Variants in NRAP observed in about 807,000 individuals in gnomAD.
The protein encoded by NRAP is nebulin related anchoring protein, also known as nebulin-related-anchoring protein.
NRAP carries 189 observed loss-of-function variants against 225.9 expected under a neutral mutation model. The observed-to-expected ratio is 0.84, with a 90% CI of 0.74 to 0.94. NRAP has a LOEUF of 0.94. NRAP is among the 40% of genes least tolerant of loss of function. NRAP has a pLI of 0.00. For synonymous variants in NRAP, 769 were observed against 790.7 expected (o/e 0.97, Z 0.46); for missense variants, 2,176 against 2,168.7 (o/e 1.00, Z -0.07).
In NRAP at chr10:113,651,865, AG is replaced by A; in HGVS notation, c.612del (p.Ser205ProfsTer22). ...AGCTCAGGAGTATCCACCACCGTGG[AG>A]AACCTGGAGATGCGTTCATCATGCC... ...KRGHDERISR[F>X]STVVDTPELL... On this transcript the variant is annotated frameshift_variant, in exon 7 of 42. Transcript: ENST00000359988. LOFTEE classifies it high-confidence loss of function. 1 of 1,613,422 alleles carries A rather than the reference AG, an allele frequency of 6.2e-7. No individual in the cohort carries two copies. The highest frequency in any genetic ancestry group is 8.5e-7 in the Non-Finnish European group (1 of 1,179,420).
At chr10:113,619,901 C>T (rs550492488) in intron 25 of NRAP, among the ~76,000 whole-genome samples, 29 of 152,244 alleles carry the variant, frequency 1.9e-4, no homozygotes, top group Middle Eastern at 6.8e-3. Flanking sequence ...GGCAATGTCT[C>T]GATCCATTTT....
chr10:113,641,314 T>A (rs752291930), intron 13 of NRAP, 51 bp downstream of exon 13: 64 of 1,095,932 alleles, frequency 5.8e-5, no homozygotes, highest in Middle Eastern at 4.0e-4. Flanking sequence ...GCTGAATTCT[T>A]CATGCCCTGC....
In NRAP at chr10:113,590,884, C is replaced by T. The variant is rs963267787; in HGVS notation, c.4650G>A (p.Arg1550=). The T allele has an allele frequency of 1.7e-5, 28 of 1,613,162 alleles. No individual in the cohort carries two copies. Among genetic ancestry groups the T allele is most frequent in the Middle Eastern group, 1.6e-4 (1 of 6,082 alleles). ...GGTCCCGCAGGAAAGCCTCTTTGTA[C>T]CGGAACTGCAAGTCAGAGGAGCAGA... is the stretch of plus-strand genomic sequence containing the variant. The part of the protein sequence containing the change: ...RASREIASDF[R]YKEAFLRDRG... The change falls in exon 40 of 42, where the codon CGG becomes CGA. Residue 1550 remains arginine, a synonymous_variant. Transcript: ENST00000359988.
chr10:113,605,247 A>T (rs938047404), intron 34 of NRAP, among the ~76,000 whole-genome samples: 1 of 152,220 alleles, frequency 6.6e-6, no homozygotes, highest in Non-Finnish European at 1.5e-5. Flanking sequence ...CCCAAAAGAC[A>T]GGATCCATTT....
rs372864956 is a variant in NRAP, at chr10:113,590,726, C to T, written c.4808G>A (p.Ser1603Asn). ...CTGAAGGAGGCCGGGCTGGTCTGTG[C>T]TGCTGTGAAACTGGGACCGACTCTT... ...FAKSRSQFHS[S>N]TDQPGLLQAK... The change falls in exon 40 of 42, where the codon AGC (serine) becomes AAC (asparagine). Residue 1603 changes from serine to asparagine, a missense_variant. This residue lies in a region of NRAP where 445 missense variants were observed against 426.1 expected (regional missense o/e 1.04). Transcript: ENST00000359988. 11 of 1,614,082 alleles carry T rather than the reference C, an allele frequency of 6.8e-6. No homozygotes were observed. The highest frequency in any genetic ancestry group is 3.3e-5 in the Admixed American group (2 of 60,008).
intron 38 of NRAP, among the ~76,000 whole-genome samples, chr10:113,594,398 G>A (rs1466341271): frequency 2.0e-5 from 3 of 152,206 alleles, no homozygotes; most frequent in Non-Finnish European, 4.4e-5. Flanking sequence ...TTGTGAGAGG[G>A]AAGATGCTTC....
chr10:113,626,760 C>T (rs78579507), intron 20 of NRAP, among the ~76,000 whole-genome samples: 3,179 of 152,254 alleles, frequency 0.021, 127 homozygotes, highest in African/African-American at 0.073. Context: ...CAGAAGCCTG[C>T]GGTCAGGTGA....
chr10:113,616,483 T>C (rs1847671666), intron 26 of NRAP, among the ~76,000 whole-genome samples: 1 of 152,212 alleles, frequency 6.6e-6, no homozygotes, highest in Non-Finnish European at 1.5e-5. Context: ...ACAGGTATTG[T>C]TTTTCTTCAT....
chr10:113,658,704 A>T (rs58531320), intron 3 of NRAP, among the ~76,000 whole-genome samples: 25,165 of 151,654 alleles, frequency 0.17, 2,255 homozygotes, highest in African/African-American at 0.24. Flanking sequence ...AACACAGTGA[A>T]ATCCCATCTC....
rs2134053642 is a variant in NRAP, at chr10:113,634,217, A to G, written c.1429-7T>C. 6.3e-7 allele frequency: 1 copy of G among 1,575,142 alleles called. No individual in the cohort carries two copies. The highest frequency in any genetic ancestry group is 1.1e-5 in the South Asian group (1 of 90,230). On this transcript the variant is annotated splice_polypyrimidine_tract_variant and splice_region_variant and intron_variant, in intron 14 of 41. Transcript: ENST00000359988. ...TGCTCTGCCTATAATTGGCCTAGGT[A>G]AAAACAGGCACAAAAAGATGTCATT...
chr10:113,594,836 G>A lies in NRAP; in HGVS notation c.4536+787C>T, dbSNP rs901257025. ...AACGGTAGCAGCTGTTGATCTGCAC[G>A]GAGCCCCAGGACACAATGGCCAGGC... On this transcript the variant is annotated intron_variant, in intron 38 of 41. Transcript: ENST00000359988. Among the ~76,000 whole-genome samples the A allele has an allele frequency of 7.9e-5, 12 of 152,214 alleles. No individual in the cohort carries two copies. In the East Asian group the frequency reaches 1.2e-3, roughly 15 times the overall value.
chr10:113,622,016 G>T lies in NRAP; in HGVS notation c.2622C>A (p.Ser874=). Residue 874 remains serine (S), a synonymous_variant, in exon 24 of 42, where the codon TCC becomes TCA. Transcript: ENST00000359988. ...FEDTKSQCHV[S]LDMVHLVHAR... is the part of the protein sequence containing the mutation. ...CATGCACGAGGTGGACCATGTCCAG[G>T]GAGACGTGGCATTGGGATTTGGTGT... The T allele has an allele frequency of 2.5e-6, 4 of 1,614,202 alleles. No individual in the cohort carries two copies. Among genetic ancestry groups the T allele is most frequent in the Non-Finnish European group, 3.4e-6 (4 of 1,180,020 alleles).
chr10:113,595,545 A>T (rs934083568), intron 38 of NRAP, 78 bp downstream of exon 38: 184 of 900,502 alleles, frequency 2.0e-4, no homozygotes, highest in Non-Finnish European at 2.8e-4. Context: ...TTTTTTTTTT[A>T]AAAAAACGAA....
Position 113,622,103 on chromosome 10 carries a change from C to A in NRAP, c.2535G>T (p.Met845Ile). The change falls in exon 24 of 42, where the codon ATG becomes ATT. Residue 845 changes from methionine to isoleucine, a missense_variant. Physicochemically the swap from Met to Ile is conservative, Grantham distance 10. Around this residue, in one of 3 missense-constraint regions of NRAP, gnomAD observed 1,708 missense variants for 1,695.5 expected, o/e 1.01. Transcript: ENST00000359988. ...GCTTGGACATTTGCAGTGAGTGGCT[C>A]ATTTGCGAATCTCCCTGTACATCTT... ...GAKDVQGDSQMSHSLQMSKLQ... is the reference protein window; with the variant it reads ...GAKDVQGDSQISHSLQMSKLQ... The A allele has an allele frequency of 6.2e-7, 1 of 1,614,098 alleles. No homozygotes were observed. The highest frequency in any genetic ancestry group is 8.5e-7 in the Non-Finnish European group (1 of 1,179,920).
At chr10:113,596,465 C>G (rs1293373270) in intron 37 of NRAP, among the ~76,000 whole-genome samples, 1 of 152,208 alleles carries the variant, frequency 6.6e-6, no homozygotes, top group African/African-American at 2.4e-5. Context: ...GCATGTAGAA[C>G]TGAATCCCTT....
At chr10:113,663,011 T>C (rs1850782509) in intron 2 of NRAP, among the ~76,000 whole-genome samples, 1 of 152,164 alleles carries the variant, frequency 6.6e-6, no homozygotes, top group Non-Finnish European at 1.5e-5. Context: ...GAAAACTTTC[T>C]GAAGAAAGTA....
rs749486311 is a variant in NRAP, at chr10:113,648,467, C to CTCTCTCTCTATATA, written c.889-1441_889-1440insTATATAGAGAGAGA. Among the ~76,000 whole-genome samples, 205 of 87,332 alleles carry CTCTCTCTCTATATA rather than the reference C, an allele frequency of 2.3e-3. 1 individual carries two copies. Among genetic ancestry groups the CTCTCTCTCTATATA allele is most frequent in the South Asian group, 3.9e-3 (10 of 2,536 alleles). 57.3% of individuals were successfully genotyped at this position (87,332 alleles called of 152,430 possible). ...TCTCTCTCTCTCTCTCTCTCTCTCTCTATATATATATATATATATATATGT... is the reference window on the plus strand; with the variant it reads ...TCTCTCTCTCTCTCTCTCTCTCTCTCTCTCTCTCTATATATATATATATATATATATATATATGT... On this transcript the variant is annotated intron_variant, in intron 9 of 41. Coordinates refer to ENST00000359988, the MANE Select transcript of NRAP (RefSeq NM_198060.4).
At chr10:113,619,683 T>C (rs1423275186) in intron 25 of NRAP, among the ~76,000 whole-genome samples, 1 of 150,556 alleles carries the variant, frequency 6.6e-6, no homozygotes, top group African/African-American at 2.4e-5. Context: ...ACTATGGCCA[T>C]TATGGTCCCC....
Position 113,631,890 on chromosome 10 carries a change from C to A in NRAP, c.1707G>T (p.Leu569=). ...FEMKLDAMSL[L]AAKASGELAS... is the part of the protein sequence containing the mutation. ...CAAGCTCCCCAGAGGCTTTGGCGGC[C>A]AGCAGAGACATGGCATCCAGCTTCA... The change falls in exon 17 of 42, where the codon CTG becomes CTT. Residue 569 remains leucine (L), a synonymous_variant. Transcript: ENST00000359988. The A allele has an allele frequency of 6.2e-7, 1 of 1,613,554 alleles. No individual in the cohort carries two copies. The highest frequency in any genetic ancestry group is 1.6e-4 in the Middle Eastern group (1 of 6,062).
Sources: gnomAD v4.1 joint callset for allele counts (sites outside exome capture counted in the v4.1 genomes callset) on GRCh38, gnomAD v4.1.1 for gene constraint, gnomAD v4.1.1 regional missense constraint, MANE v1.5 for transcripts, NCBI Gene and HGNC (gene_info 2026-07-23, HGNC 2026-07-21) for gene names.